DTNB: variants seen among roughly 807,000 people sequenced by gnomAD.
DTNB encodes the protein DTN-B.
A neutral mutation model predicts 90.7 loss-of-function variants in DTNB; 63 were observed. The observed-to-expected ratio is 0.69, with a 90% CI of 0.57 to 0.86. The LOEUF (loss-of-function observed/expected upper bound fraction) is 0.86, where lower values mean the gene tolerates loss of function less well. Among genes scored for constraint, DTNB ranks in the 40% least tolerant of loss-of-function variants. The probability of loss-of-function intolerance (pLI) is 0.00; values close to 1 mark genes in which losing one functional copy is unlikely to be tolerated. For synonymous variants in DTNB, 277 were observed against 286.7 expected (o/e 0.97, Z 0.34); for missense variants, 744 against 807.1 (o/e 0.92, Z 0.95).
intron 4 of DTNB, among the ~76,000 whole-genome samples, chr2:25,623,924 C>G (rs934114270): frequency 6.6e-6 from 1 of 152,164 alleles, no homozygotes; most frequent in African/African-American, 2.4e-5. Context: ...CCAGGGCACT[C>G]TGAAATTTAA....
intron 2 of DTNB, among the ~76,000 whole-genome samples, chr2:25,642,292 G>A (rs1271887320): frequency 6.6e-6 from 1 of 152,154 alleles, no homozygotes; most frequent in African/African-American, 2.4e-5. Flanking sequence ...ATCATATGAT[G>A]CCAGGGGTTA....
Position 25,482,868 on chromosome 2 carries a change from G to T in DTNB, c.1007C>A (p.Pro336His), listed in dbSNP as rs759898782. ...KPLDLAHIVP[P>H]RPLTNMNDTM... is the part of the protein sequence containing the mutation. ...GTCATTCATATTAGTCAGAGGGCGA[G>T]GAGGACTGAAAGAAAAGACATTTAC... The change falls in exon 10 of 21, where the codon CCT becomes CAT. Residue 336 changes from proline (P) to histidine (H), a missense_variant. Physicochemically the swap from Pro to His is moderately conservative, Grantham distance 77 (BLOSUM62 -2). Coordinates refer to ENST00000406818, the MANE Select transcript of DTNB (RefSeq NM_021907.5). The T allele has an allele frequency of 3.7e-6, 6 of 1,603,636 alleles. No individual in the cohort carries two copies. Among genetic ancestry groups the T allele is most frequent in the Non-Finnish European group, 4.2e-6 (5 of 1,176,848 alleles).
chr2:25,656,930 T>A (rs760513087), intron 1 of DTNB, among the ~76,000 whole-genome samples: 52 of 152,128 alleles, frequency 3.4e-4, no homozygotes, highest in Non-Finnish European at 6.9e-4. Context: ...TCCCAGCACG[T>A]TGGGAGGCCG....
At chr2:25,384,496 T>A (rs561951102) in intron 18 of DTNB, among the ~76,000 whole-genome samples, 146 of 152,242 alleles carry the variant, frequency 9.6e-4, no homozygotes, top group Non-Finnish European at 1.7e-3. Context: ...CCTGGGCATG[T>A]ACTTTGAATA....
intron 4 of DTNB, among the ~76,000 whole-genome samples, chr2:25,610,214 A>G (rs915985688): frequency 1.3e-5 from 2 of 152,132 alleles, no homozygotes; most frequent in Non-Finnish European, 2.9e-5. Context: ...GGGCTCAAAC[A>G]ATCCTCCCAC....
At chr2:25,388,805 CGTGTGTGTGT>C (rs112323714) in intron 16 of DTNB, among the ~76,000 whole-genome samples, 1 of 149,140 alleles carries the variant, frequency 6.7e-6, no homozygotes, top group Non-Finnish European at 1.5e-5. Flanking sequence ...AAAGGACATA[CGTGTGTGTGT>C]GTGTGTGTGT....
chr2:25,652,777 C>T, intron 1 of DTNB, 116 bp from the exon 2 acceptor site: 1 of 937,994 alleles, frequency 1.1e-6, no homozygotes, highest in South Asian at 2.2e-5. Context: ...CATTTTAAGA[C>T]AGTATCAGTA....
chr2:25,455,058 CATTA>C, intron 11 of DTNB, among the ~76,000 whole-genome samples: 1 of 152,166 alleles, frequency 6.6e-6, no homozygotes, highest in Non-Finnish European at 1.5e-5. Flanking sequence ...AGAAAGATTT[CATTA>C]GTTAGGTAAG....
At position 25,387,404 on chromosome 2, in the gene DTNB, A is replaced by T. The variant is rs756473365; in HGVS notation, c.1736-26T>A. 3.7e-6 allele frequency: 6 copies of T among 1,604,662 alleles called. No homozygotes were observed. In the East Asian group the frequency reaches 1.1e-4, roughly 30 times the overall value. ...CTGAGGAGAGGCAGAGCAGATGGGGATGCCAGGGTGGGTGAGCGTGGAGAA... is the reference window on the plus strand; with the variant it reads ...CTGAGGAGAGGCAGAGCAGATGGGGTTGCCAGGGTGGGTGAGCGTGGAGAA... On this transcript the variant is annotated intron_variant, in intron 17 of 20. Transcript: ENST00000406818. The surrounding 1 kb of genome is among the most constrained non-coding windows in gnomAD (Gnocchi z 4.5).
intron 1 of DTNB, among the ~76,000 whole-genome samples, chr2:25,671,934 C>G (rs1049626053): frequency 7.2e-5 from 11 of 152,102 alleles, no homozygotes; most frequent in Admixed American, 3.3e-4. Context: ...CAGCCTCGCA[C>G]TACAGGTCTA....
chr2:25,609,707 C>CAA lies in DTNB; in HGVS notation c.363-2388_363-2387dup, dbSNP rs34601827. 1.8e-4 allele frequency among the ~76,000 whole-genome samples: 16 copies of CAA among 88,744 alleles called. No individual in the cohort carries two copies. The South Asian group carries it at 4.3e-3, about 24-fold the overall frequency. The allele number at this position is 88,744 out of a possible 152,430, so 58.2% of individuals were successfully genotyped here. ...ACACACACACACACACACACACACA[C>CAA]AAAATTAAAAATACCAAGGCTTAGG... On this transcript the variant is annotated intron_variant, in intron 4 of 20. Coordinates refer to ENST00000406818, the MANE Select transcript of DTNB (RefSeq NM_021907.5).
chr2:25,519,305 CAAT>C (rs1247886672), intron 9 of DTNB, among the ~76,000 whole-genome samples: 1 of 150,568 alleles, frequency 6.6e-6, no homozygotes, highest in Admixed American at 6.6e-5. Flanking sequence ...TTTGAGGTTA[CAAT>C]GAGCTGTGAT....
At chr2:25,384,052 G>A (rs1170152986) in intron 18 of DTNB, among the ~76,000 whole-genome samples, 163 bp from the exon 19 acceptor site, 2 of 152,252 alleles carry the variant, frequency 1.3e-5, no homozygotes, top group Admixed American at 1.3e-4. Context: ...CACTTGTGCG[G>A]CCCACGCCCC....
chr2:25,577,133 A>T (rs2060806739), intron 7 of DTNB, 129 bp from the exon 8 acceptor site: 1 of 1,121,836 alleles, frequency 8.9e-7, no homozygotes, highest in South Asian at 1.8e-5. Context: ...ATATAAAAAC[A>T]AAGGTAAAAA....
At chr2:25,605,489 A>G (rs1396299351) in intron 5 of DTNB, among the ~76,000 whole-genome samples, 2 of 152,236 alleles carry the variant, frequency 1.3e-5, no homozygotes, top group African/African-American at 4.8e-5. Flanking sequence ...GCGCCTTTTC[A>G]CTAACAGTTA....
chr2:25,540,473 TTTATTA>T (rs894658531), intron 8 of DTNB, among the ~76,000 whole-genome samples: 12 of 152,022 alleles, frequency 7.9e-5, no homozygotes, highest in East Asian at 1.9e-4. Flanking sequence ...TCGCAATCAT[TTTATTA>T]TTATTATTAT....
chr2:25,449,768 C>CTTTTTT (rs35325641), intron 12 of DTNB, among the ~76,000 whole-genome samples: 1 of 139,622 alleles, frequency 7.2e-6, no homozygotes. Flanking sequence ...TTTTCTTTTT[C>CTTTTTT]TTTTTTTTTT....
At chr2:25,643,822 C>G (rs1286425150) in intron 2 of DTNB, among the ~76,000 whole-genome samples, 1 of 152,208 alleles carries the variant, frequency 6.6e-6, no homozygotes, top group East Asian at 1.9e-4. Context: ...CCAAGACCAA[C>G]TGGGCTGCAT....
intron 8 of DTNB, among the ~76,000 whole-genome samples, chr2:25,536,964 A>G (rs2079966835): frequency 6.6e-6 from 1 of 151,788 alleles, no homozygotes. Context: ...GATGGTCTCA[A>G]TCTCCTGACC....
Sources: allele counts gnomAD v4.1 joint callset (sites outside exome capture counted in the v4.1 genomes callset), GRCh38; gene constraint gnomAD v4.1.1; non-coding constraint Gnocchi (gnomAD v3.1); transcripts MANE v1.5; gene names NCBI Gene and HGNC (gene_info 2026-07-23, HGNC 2026-07-21).